The following GALNT17 variants were observed in gnomAD, a reference collection of about 807,000 sequenced individuals.
GALNT17 encodes the protein polypeptide N-acetylgalactosaminyltransferase 17.
Under a neutral mutation model 63.7 loss-of-function variants are expected in GALNT17, and 29 were observed. The ratio of observed to expected loss-of-function variants is 0.46; its 90% confidence interval spans 0.34 to 0.62. The LOEUF (loss-of-function observed/expected upper bound fraction) is 0.62, where lower values mean the gene tolerates loss of function less well. Ranked by LOEUF, GALNT17 falls within the 20% of genes least tolerant of loss-of-function variation. GALNT17 has a pLI of 0.01. For missense variants in GALNT17, 603 were observed against 799.6 expected (o/e 0.75, Z 2.97); for synonymous variants, 305 against 318.3 (o/e 0.96, Z 0.45).
intron 5 of GALNT17, among the ~76,000 whole-genome samples, chr7:71,544,665 C>G (rs1407795596): frequency 6.6e-6 from 1 of 152,026 alleles, no homozygotes; most frequent in Non-Finnish European, 1.5e-5. Context: ...CTTCACACTT[C>G]AAAAAATTTC....
At chr7:71,657,509 CCAGGGGAG>C (rs1790845679) in intron 6 of GALNT17, among the ~76,000 whole-genome samples, 2 of 152,122 alleles carry the variant, frequency 1.3e-5, no homozygotes, top group South Asian at 4.1e-4. Context: ...TGACAGGTGC[CCAGGGGAG>C]CAGGTGGCCT....
intron 5 of GALNT17, among the ~76,000 whole-genome samples, chr7:71,452,327 C>G (rs1039724037): frequency 1.3e-5 from 2 of 151,874 alleles, no homozygotes; most frequent in Non-Finnish European, 2.9e-5. Flanking sequence ...GGGAGGATCA[C>G]TTGAGGTCAG....
chr7:71,178,840 A>G (rs943243795), intron 1 of GALNT17, among the ~76,000 whole-genome samples: 4 of 152,192 alleles, frequency 2.6e-5, no homozygotes, highest in Admixed American at 2.0e-4. Context: ...TACTCATTTC[A>G]ACATCTGGAT....
chr7:71,565,844 T>TC, intron 5 of GALNT17, among the ~76,000 whole-genome samples: 1 of 129,110 alleles, frequency 7.7e-6, no homozygotes, highest in African/African-American at 3.2e-5. Flanking sequence ...TCTTCTCTTT[T>TC]CTTTTTTTTT....
intron 5 of GALNT17, among the ~76,000 whole-genome samples, chr7:71,449,196 C>T (rs1014522067): frequency 3.0e-5 from 4 of 133,066 alleles, no homozygotes; most frequent in South Asian, 2.4e-4. Context: ...CACTGCAGCC[C>T]CCACCTACCG....
intron 2 of GALNT17, among the ~76,000 whole-genome samples, chr7:71,377,108 A>ATAT (rs1491192562): frequency 2.7e-4 from 12 of 45,068 alleles, no homozygotes; most frequent in African/African-American, 9.7e-4. Context: ...AAATAAAAAT[A>ATAT]AAAAAAATAT....
intron 6 of GALNT17, among the ~76,000 whole-genome samples, chr7:71,586,753 G>A (rs1038268510): frequency 6.6e-6 from 1 of 151,246 alleles, no homozygotes; most frequent in African/African-American, 2.4e-5. Context: ...CATAATAGAT[G>A]TACATATTTT....
chr7:71,477,331 A>G (rs981214961), intron 5 of GALNT17, among the ~76,000 whole-genome samples: 2 of 152,158 alleles, frequency 1.3e-5, no homozygotes, highest in African/African-American at 4.8e-5. Flanking sequence ...GCAGTGAGCC[A>G]TGATTGTGCC....
At chr7:71,667,352 T>A (rs1370189681) in intron 7 of GALNT17, among the ~76,000 whole-genome samples, 5 of 152,242 alleles carry the variant, frequency 3.3e-5, no homozygotes, top group Non-Finnish European at 7.3e-5. Flanking sequence ...AAGTAATAAG[T>A]GCTTTTAGCC....
chr7:71,627,876 G>A (rs942855689), intron 6 of GALNT17, among the ~76,000 whole-genome samples: 5 of 151,980 alleles, frequency 3.3e-5, no homozygotes, highest in Admixed American at 1.3e-4. Context: ...AGTTCTTTTC[G>A]AACTATTTAT....
intron 1 of GALNT17, among the ~76,000 whole-genome samples, chr7:71,155,620 CT>C (rs1259755825): frequency 2.6e-5 from 4 of 150,970 alleles, no homozygotes; most frequent in Non-Finnish European, 5.9e-5. Context: ...TATTTTTTTC[CT>C]TTTTTGTTGC....
intron 5 of GALNT17, among the ~76,000 whole-genome samples, chr7:71,559,900 A>C (rs1032075721): frequency 6.0e-5 from 9 of 149,900 alleles, no homozygotes; most frequent in Middle Eastern, 3.5e-3. Flanking sequence ...TTAAAAACAA[A>C]AAAAAAAAAA....
At chr7:71,612,227 T>C (rs1188271660) in intron 6 of GALNT17, among the ~76,000 whole-genome samples, 4 of 152,168 alleles carry the variant, frequency 2.6e-5, no homozygotes, top group Admixed American at 6.5e-5. Context: ...TTGACCCGAA[T>C]GCTTTGGATT....
chr7:71,377,114 A>AAAAAAATATAT lies in GALNT17; in HGVS notation c.423-11120_423-11119insAAAAATATATA. Among the ~76,000 whole-genome samples the AAAAAAATATAT allele has an allele frequency of 5.4e-4, 31 of 57,462 alleles. 2 individuals carry two copies. The highest frequency in any genetic ancestry group is 1.0e-3 in the African/African-American group (11 of 10,674). 37.7% of individuals were successfully genotyped at this position (57,462 alleles called of 152,430 possible). On this transcript the variant is annotated intron_variant, in intron 2 of 10. Coordinates refer to ENST00000333538, the MANE Select transcript of GALNT17 (RefSeq NM_022479.3). ...AAAAAAAAAAAATAAAAATAAAAAA[A>AAAAAAATATAT]ATATATATATATATATATATATATA...
At chr7:71,585,140 T>C (rs1284027681) in intron 6 of GALNT17, among the ~76,000 whole-genome samples, 1 of 152,222 alleles carries the variant, frequency 6.6e-6, no homozygotes, top group Non-Finnish European at 1.5e-5. Flanking sequence ...TCCTTTATTT[T>C]TTCCTTTCTT....
intron 1 of GALNT17, among the ~76,000 whole-genome samples, chr7:71,201,240 T>TA (rs572650299): frequency 0.083 from 11,490 of 137,696 alleles, 707 homozygotes; most frequent in East Asian, 0.11. Flanking sequence ...TGTGTTTATT[T>TA]TTATATATAT....
At chr7:71,199,580 T>C (rs1212551) in intron 1 of GALNT17, among the ~76,000 whole-genome samples, 47,123 of 141,854 alleles carry the variant, frequency 0.33, 9,842 homozygotes, top group African/African-American at 0.6. Flanking sequence ...CCTACCCTTC[T>C]GCTCATTAAT....
intron 2 of GALNT17, among the ~76,000 whole-genome samples, chr7:71,344,687 A>G: frequency 6.6e-6 from 1 of 152,158 alleles, no homozygotes; most frequent in South Asian, 2.1e-4. Context: ...TGTGTGCGAG[A>G]CATTGCCAGA....
At chr7:71,356,446 A>G (rs1208848865) in intron 2 of GALNT17, among the ~76,000 whole-genome samples, 1 of 152,170 alleles carries the variant, frequency 6.6e-6, no homozygotes. Context: ...GCATGACACC[A>G]GCATTTGCTG....
Sources: gnomAD v4.1 joint callset for allele counts (sites outside exome capture counted in the v4.1 genomes callset) on GRCh38, gnomAD v4.1.1 for gene constraint, MANE v1.5 for transcripts, NCBI Gene and HGNC (gene_info 2026-07-23, HGNC 2026-07-21) for gene names.